Variants in CARMIL1 observed in about 807,000 individuals in gnomAD.
The protein encoded by CARMIL1 is capping protein regulator and myosin 1 linker 1.
Under a neutral mutation model 177.1 loss-of-function variants are expected in CARMIL1, and 90 were observed. The observed-to-expected ratio is 0.51, with a 90% CI of 0.43 to 0.61. The LOEUF (loss-of-function observed/expected upper bound fraction) is 0.61. CARMIL1 is among the 20% of genes least tolerant of loss of function. The pLI is 0.00. For synonymous variants in CARMIL1, 577 were observed against 606.2 expected (o/e 0.95, Z 0.71); for missense variants, 1,380 against 1,667.0 (o/e 0.83, Z 3.00).
At chr6:25,579,598 G>A (rs769766924) in intron 29 of CARMIL1, among the ~76,000 whole-genome samples, 1 of 152,152 alleles carries the variant, frequency 6.6e-6, no homozygotes, top group Non-Finnish European at 1.5e-5. Flanking sequence ...AGTTAGCTGA[G>A]TTTTTATTGA....
chr6:25,569,770 G>A (rs541197551), intron 29 of CARMIL1, among the ~76,000 whole-genome samples: 99 of 152,254 alleles, frequency 6.5e-4, no homozygotes, highest in African/African-American at 2.4e-3. Flanking sequence ...AAGTATTTAA[G>A]TCTTCTCCTA....
chr6:25,406,235 A>T (rs1794356101), intron 2 of CARMIL1, among the ~76,000 whole-genome samples: 1 of 152,190 alleles, frequency 6.6e-6, no homozygotes, highest in African/African-American at 2.4e-5. Flanking sequence ...GAAGTCCTTT[A>T]CCTGAAGAAT....
At chr6:25,606,023 T>C in intron 34 of CARMIL1, 38 bp from the exon 35 acceptor site, 1 of 1,501,892 alleles carries the variant, frequency 6.7e-7, no homozygotes, top group Non-Finnish European at 9.1e-7. Context: ...ATTGGCTTCT[T>C]TGACCTTTGA....
chr6:25,608,846 C>A (rs1816241891), intron 35 of CARMIL1, among the ~76,000 whole-genome samples: 1 of 152,124 alleles, frequency 6.6e-6, no homozygotes, highest in African/African-American at 2.4e-5. Flanking sequence ...CACACGCCAA[C>A]TTAAGAACCA....
chr6:25,348,376 CCCT>C (rs1787759511), intron 2 of CARMIL1, among the ~76,000 whole-genome samples: 1 of 151,924 alleles, frequency 6.6e-6, no homozygotes, highest in South Asian at 2.1e-4. Context: ...TGGTGATCCA[CCCT>C]CCTCGGCCTC....
At chr6:25,487,093 G>A (rs974996170) in intron 12 of CARMIL1, among the ~76,000 whole-genome samples, 7 of 152,094 alleles carry the variant, frequency 4.6e-5, no homozygotes, top group South Asian at 4.2e-4. Context: ...CCAAATGTGC[G>A]CCCACTTTGA....
chr6:25,294,121 T>TA (rs1248540989), intron 2 of CARMIL1, among the ~76,000 whole-genome samples: 2 of 152,166 alleles, frequency 1.3e-5, no homozygotes, highest in Non-Finnish European at 2.9e-5. Context: ...GACGTCCTCT[T>TA]AGAGGTAGGA....
chr6:25,368,780 A>G (rs1304000654), intron 2 of CARMIL1, among the ~76,000 whole-genome samples: 1 of 152,160 alleles, frequency 6.6e-6, no homozygotes, highest in Non-Finnish European at 1.5e-5. Context: ...CTCTTGCTTT[A>G]TATATTTTAA....
At chr6:25,499,358 C>G (rs898466242) in intron 16 of CARMIL1, among the ~76,000 whole-genome samples, 6 of 152,174 alleles carry the variant, frequency 3.9e-5, no homozygotes, top group Non-Finnish European at 8.8e-5. Flanking sequence ...ATCTTATGTT[C>G]ATCTCTATGT....
At chr6:25,520,563 A>T (rs1330884321) in intron 23 of CARMIL1, among the ~76,000 whole-genome samples, 1 of 152,244 alleles carries the variant, frequency 6.6e-6, no homozygotes, top group East Asian at 1.9e-4. Flanking sequence ...GTGGAATAAA[A>T]AAACATTCTT....
intron 15 of CARMIL1, 89 bp from the exon 16 acceptor site, chr6:25,495,022 C>A: frequency 1.4e-6 from 1 of 707,810 alleles, no homozygotes; most frequent in Non-Finnish European, 2.4e-6. Context: ...GAAAATATGA[C>A]TGATTTGTAG....
At chr6:25,319,772 T>TC (rs1784547321) in intron 2 of CARMIL1, among the ~76,000 whole-genome samples, 1 of 150,362 alleles carries the variant, frequency 6.7e-6, no homozygotes, top group East Asian at 1.9e-4. Context: ...CACTTTTTTT[T>TC]TTTTTTTTTT....
chr6:25,532,982 T>G (rs951545175), intron 24 of CARMIL1, among the ~76,000 whole-genome samples: 6 of 151,884 alleles, frequency 4.0e-5, no homozygotes, highest in African/African-American at 1.5e-4. Flanking sequence ...TGCCTGCCAC[T>G]CGCCAAGCTC....
intron 2 of CARMIL1, among the ~76,000 whole-genome samples, chr6:25,386,865 T>C (rs1238333123): frequency 6.6e-6 from 1 of 151,948 alleles, no homozygotes; most frequent in Non-Finnish European, 1.5e-5. Flanking sequence ...TGGTGGCTCA[T>C]GCCTGTAATC....
chr6:25,508,571 A>G (rs1019906675), intron 17 of CARMIL1, among the ~76,000 whole-genome samples: 11 of 152,214 alleles, frequency 7.2e-5, no homozygotes, highest in African/African-American at 2.7e-4. Flanking sequence ...CCCAACTGAA[A>G]TTCTCCTGAT....
Position 25,510,607 on chromosome 6 carries a change from G to T in CARMIL1, c.1577+1G>T. Reference sequence around the variant, plus strand: ...AAAATTTTAATAATATGAAATCCAAGTAAGAGTTTTGAATTTTTTTATATG... The same window carrying T: ...AAAATTTTAATAATATGAAATCCAATTAAGAGTTTTGAATTTTTTTATATG... On this transcript the variant is annotated splice_donor_variant, in intron 19 of 36. Transcript: ENST00000329474. LOFTEE classifies it high-confidence loss of function. 6.5e-7 allele frequency: 1 copy of T among 1,541,654 alleles called. No individual in the cohort carries two copies.
chr6:25,396,352 T>C (rs1242126104), intron 2 of CARMIL1, among the ~76,000 whole-genome samples: 2 of 123,928 alleles, frequency 1.6e-5, no homozygotes, highest in African/African-American at 2.8e-5. Flanking sequence ...ATGTTTTAAT[T>C]TTTTTTTTTC....
chr6:25,559,078 A>G (rs1422299113), intron 29 of CARMIL1, among the ~76,000 whole-genome samples: 2 of 152,150 alleles, frequency 1.3e-5, no homozygotes, highest in Admixed American at 1.3e-4. Context: ...TTTCAGCCTA[A>G]CCATCAATTC....
chr6:25,411,101 T>A (rs1794862302), intron 2 of CARMIL1, among the ~76,000 whole-genome samples: 1 of 152,234 alleles, frequency 6.6e-6, no homozygotes, highest in Non-Finnish European at 1.5e-5. Context: ...CTGTATTCCC[T>A]GAATAACTGT....
Sources: gnomAD v4.1 joint callset for allele counts (sites outside exome capture counted in the v4.1 genomes callset) on GRCh38, gnomAD v4.1.1 for gene constraint, MANE v1.5 for transcripts, NCBI Gene and HGNC (gene_info 2026-07-23, HGNC 2026-07-21) for gene names.